CRMP1: variants seen among roughly 807,000 people sequenced by gnomAD.
The protein encoded by CRMP1 is collapsin response mediator protein 1.
A neutral mutation model predicts 68.3 loss-of-function variants in CRMP1; 19 were observed. The observed-to-expected ratio is 0.28, with a 90% CI of 0.19 to 0.41. The LOEUF is 0.41. Among genes scored for constraint, CRMP1 ranks in the 10% least tolerant of loss-of-function variants. The pLI, the probability that CRMP1 is intolerant of heterozygous loss-of-function variation, is 1.00. For missense variants in CRMP1, 791 were observed against 967.4 expected (o/e 0.82, Z 2.42); for synonymous variants, 439 against 399.6 (o/e 1.10, Z -1.18).
Position 5,821,352 on chromosome 4 carries a change from G to A in CRMP1, c.*408C>T, listed in dbSNP as rs1051888732. The A allele has an allele frequency of 1.7e-5, 3 of 178,994 alleles. No individual in the cohort carries two copies. The highest frequency in any genetic ancestry group is 3.6e-5 in the Non-Finnish European group (3 of 83,792). The allele number at this position is 178,994 out of a possible 1,614,324, so 11.1% of individuals were successfully genotyped here. On this transcript the variant is annotated 3_prime_UTR_variant, in exon 14 of 14. Coordinates refer to ENST00000324989, the MANE Select transcript of CRMP1 (RefSeq NM_001014809.3). This position sits in a 1 kb window ranked among gnomAD's most constrained non-coding sequence, Gnocchi z 4.4. ...AGTCCTTGGCGATGTCCCCTCAGAC[G>A]CACTCACAGACTTGCATACGTAATT...
At position 5,866,650 on chromosome 4, in the gene CRMP1, C is replaced by T; in HGVS notation, c.470+18G>A. 1.3e-6 allele frequency: 2 copies of T among 1,597,854 alleles called. No individual in the cohort carries two copies. Among genetic ancestry groups the T allele is most frequent in the Non-Finnish European group, 1.7e-6 (2 of 1,169,568 alleles). The stretch of plus-strand genomic sequence containing the variant: ...TGGCGACACAGGTTTCTTAAAAGGT[C>T]CGTTTTGATCAACCCACTTGATAAG... On this transcript the variant is annotated intron_variant, in intron 2 of 13. Transcript: ENST00000324989. The surrounding 1 kb of genome is among the most constrained non-coding windows in gnomAD (Gnocchi z 5.9).
chr4:5,888,601 GCTTCC>G lies in CRMP1; in HGVS notation c.381+3983_381+3987del, dbSNP rs1715776621. On this transcript the variant is annotated intron_variant, in intron 1 of 13. Coordinates refer to ENST00000324989, the MANE Select transcript of CRMP1 (RefSeq NM_001014809.3). This position sits in a 1 kb window ranked among gnomAD's most constrained non-coding sequence, Gnocchi z 6.4. ...CCCCTCTCGGCTCGAACCAGGAAGC[GCTTCC>G]CTTCCGATCTCCCACCCCGCCCCCC... 9.5e-7 allele frequency: 1 copy of G among 1,048,554 alleles called. No homozygotes were observed. The highest frequency in any genetic ancestry group is 1.1e-6 in the Non-Finnish European group (1 of 871,274). 65.0% of individuals were successfully genotyped at this position (1,048,554 alleles called of 1,614,324 possible).
At chr4:5,876,830 C>G (rs1054838372) in intron 1 of CRMP1, among the ~76,000 whole-genome samples, 6 of 150,358 alleles carry the variant, frequency 4.0e-5, no homozygotes, top group Admixed American at 6.6e-5. Flanking sequence ...AAATTCCCAT[C>G]GGGGCTTTTA....
At chr4:5,844,621 G>A (rs555589185) in intron 6 of CRMP1, among the ~76,000 whole-genome samples, 1 of 152,354 alleles carries the variant, frequency 6.6e-6, no homozygotes, top group South Asian at 2.1e-4. Flanking sequence ...TTGAAAGCTG[G>A]AAAGCAGATG....
rs896397300 is a variant in CRMP1, at chr4:5,837,020, C to G, written c.1311-114G>C. On this transcript the variant is annotated intron_variant, in intron 9 of 13. Transcript: ENST00000324989. The stretch of plus-strand genomic sequence containing the variant: ...GTGAATGAATGAATAGATAAGGAAG[C>G]CAGTGGGTAAGAGAGACTCTCTAGC... The G allele has an allele frequency of 4.0e-6, 5 of 1,240,672 alleles. No individual in the cohort carries two copies. The African/African-American group carries it at 6.0e-5, about 15-fold the overall frequency. The allele number at this position is 1,240,672 out of a possible 1,614,324, so 76.9% of individuals were successfully genotyped here.
Position 5,823,213 on chromosome 4 carries a change from G to A in CRMP1, c.1970-1362C>T, listed in dbSNP as rs535962704. 2.0e-4 allele frequency among the ~76,000 whole-genome samples: 30 copies of A among 152,250 alleles called. No individual in the cohort carries two copies. The South Asian group carries it at 3.3e-3, about 17-fold the overall frequency. On this transcript the variant is annotated intron_variant, in intron 13 of 13. Coordinates refer to ENST00000324989, the MANE Select transcript of CRMP1 (RefSeq NM_001014809.3). ...GCACAATAAGAACAGTAGACTAGAT[G>A]AGCCCCTTCCAACTCCAACATTACA...
At chr4:5,862,226 A>C (rs1007822453) in intron 2 of CRMP1, among the ~76,000 whole-genome samples, 5 of 152,274 alleles carry the variant, frequency 3.3e-5, no homozygotes, top group African/African-American at 9.6e-5. Flanking sequence ...CCAATCCCTT[A>C]TCCCCAGAAT....
chr4:5,873,934 G>A (rs1714635099), intron 1 of CRMP1, among the ~76,000 whole-genome samples: 1 of 152,178 alleles, frequency 6.6e-6, no homozygotes, highest in Admixed American at 6.5e-5. Context: ...TTTTCATCAG[G>A]GAGGAACCGG....
rs184200384 is a variant in CRMP1, at chr4:5,834,002, C to T, written c.1623+1913G>A. On this transcript the variant is annotated intron_variant, in intron 11 of 13. Coordinates refer to ENST00000324989, the MANE Select transcript of CRMP1 (RefSeq NM_001014809.3). This position sits in a 1 kb window ranked among gnomAD's most constrained non-coding sequence, Gnocchi z 4.3. The stretch of plus-strand genomic sequence containing the variant: ...CGGAGCTTGCAGTGAGCCGAGATTG[C>T]GCCACTGCACTCCAGCCTGGGCAAC... Among the ~76,000 whole-genome samples the T allele has an allele frequency of 2.9e-3, 434 of 152,250 alleles. 1 individual carries two copies. The highest frequency in any genetic ancestry group is 0.01 in the Middle Eastern group (3 of 294).
Position 5,861,321 on chromosome 4 carries a change from A to G in CRMP1, c.471-111T>C. On this transcript the variant is annotated intron_variant, in intron 2 of 13. Transcript: ENST00000324989. The surrounding 1 kb of genome is among the most constrained non-coding windows in gnomAD (Gnocchi z 6.0). ...AACATTTCTGAGCCAGGCCCTTCAC[A>G]AGGCCCTGGGGAGACAGAGATAACT... 9.0e-7 allele frequency: 1 copy of G among 1,108,612 alleles called. No individual in the cohort carries two copies. The highest frequency in any genetic ancestry group is 1.3e-6 in the Non-Finnish European group (1 of 765,510). The allele number at this position is 1,108,612 out of a possible 1,614,324, so 68.7% of individuals were successfully genotyped here. A position where few individuals can be genotyped will look rare whatever the true frequency, so the allele number is the denominator to read the frequency against.
intron 1 of CRMP1, among the ~76,000 whole-genome samples, chr4:5,885,450 C>T (rs1715514436): frequency 6.6e-6 from 1 of 152,216 alleles, no homozygotes; most frequent in South Asian, 2.1e-4. Context: ...GGTCTCTCCA[C>T]AGGCCACACA....
chr4:5,865,112 C>A lies in CRMP1; in HGVS notation c.470+1556G>T, dbSNP rs1577816916. On this transcript the variant is annotated intron_variant, in intron 2 of 13. Transcript: ENST00000324989. The surrounding 1 kb of genome is among the most constrained non-coding windows in gnomAD (Gnocchi z 4.1). Reference sequence around the variant, plus strand: ...TCATCATCTCCAAAGCCCACACGGGCCCCAGGATGATCCTGTTAACAGTAT... The same window carrying A: ...TCATCATCTCCAAAGCCCACACGGGACCCAGGATGATCCTGTTAACAGTAT... Among the ~76,000 whole-genome samples, 1 of 152,086 alleles carries A rather than the reference C, an allele frequency of 6.6e-6. No individual in the cohort carries two copies. The highest frequency in any genetic ancestry group is 1.5e-5 in the Non-Finnish European group (1 of 68,032).
In CRMP1 at chr4:5,872,166, C is replaced by T. The variant is rs1387775112; in HGVS notation, c.382-5410G>A. On this transcript the variant is annotated intron_variant, in intron 1 of 13. Transcript: ENST00000324989. The surrounding 1 kb of genome is among the most constrained non-coding windows in gnomAD (Gnocchi z 4.6). Reference sequence around the variant, plus strand: ...TCCCCCACCCAAGTAATAAGATCAACGGGCCTTGCCTTCTAAGGCTGCCTT... The same window carrying T: ...TCCCCCACCCAAGTAATAAGATCAATGGGCCTTGCCTTCTAAGGCTGCCTT... Among the ~76,000 whole-genome samples the T allele has an allele frequency of 1.3e-5, 2 of 151,932 alleles. No individual in the cohort carries two copies. Among genetic ancestry groups the T allele is most frequent in the East Asian group, 1.9e-4 (1 of 5,200 alleles).
chr4:5,824,095 AT>A (rs1339280024), intron 13 of CRMP1, among the ~76,000 whole-genome samples: 2 of 152,158 alleles, frequency 1.3e-5, no homozygotes, highest in Non-Finnish European at 2.9e-5. Flanking sequence ...CTTCATTGTT[AT>A]TCTTGTTCTA....
intron 1 of CRMP1, among the ~76,000 whole-genome samples, chr4:5,867,934 G>GT (rs1424989288): frequency 6.6e-6 from 1 of 152,038 alleles, no homozygotes; most frequent in Admixed American, 6.6e-5. Flanking sequence ...ACACAGGATT[G>GT]TATGAGTATG....
chr4:5,822,478 G>A (rs73797908), intron 13 of CRMP1, among the ~76,000 whole-genome samples: 9,032 of 146,498 alleles, frequency 0.062, 550 homozygotes, highest in African/African-American at 0.16. Context: ...CCTCATTGGC[G>A]ATAGGTGGAT....
Position 5,892,755 on chromosome 4 carries a change from G to A in CRMP1, c.215C>T (p.Ala72Val). ...GCCTCCCGGCCCTGGCAGCCCGACC[G>A]CGTCGGGCCGGCCAGCGCTGCGCGG... ...RTPRSAGRPDAVGLPGPGGSE... is the reference protein window; with the variant it reads ...RTPRSAGRPDVVGLPGPGGSE... The change falls in exon 1 of 14, where the codon GCG becomes GTG. Residue 72 changes from alanine to valine, a missense_variant. Ala to Val is a moderately conservative substitution (Grantham distance 64). Coordinates refer to ENST00000324989, the MANE Select transcript of CRMP1 (RefSeq NM_001014809.3). The surrounding 1 kb of genome is among the most constrained non-coding windows in gnomAD (Gnocchi z 8.6). The A allele has an allele frequency of 1.6e-6, 2 of 1,230,368 alleles. No individual in the cohort carries two copies. The highest frequency in any genetic ancestry group is 1.0e-6 in the Non-Finnish European group (1 of 988,194). The allele number at this position is 1,230,368 out of a possible 1,614,324, so 76.2% of individuals were successfully genotyped here.
chr4:5,837,994 C>T (rs1031952828), intron 9 of CRMP1, among the ~76,000 whole-genome samples: 7 of 152,092 alleles, frequency 4.6e-5, no homozygotes, highest in South Asian at 4.1e-4. Context: ...GGCACATGGG[C>T]GCTGTTAGAG....
chr4:5,869,124 A>C (rs1714250017), intron 1 of CRMP1, among the ~76,000 whole-genome samples: 1 of 151,676 alleles, frequency 6.6e-6, no homozygotes, highest in African/African-American at 2.4e-5. Context: ...GGCTAATTTA[A>C]ATTTTTTTTG....
Sources: allele counts gnomAD v4.1 joint callset (sites outside exome capture counted in the v4.1 genomes callset), GRCh38; gene constraint gnomAD v4.1.1; non-coding constraint Gnocchi (gnomAD v3.1); transcripts MANE v1.5; gene names NCBI Gene and HGNC (gene_info 2026-07-23, HGNC 2026-07-21).